Variants in SLC8A3 observed in about 807,000 individuals in gnomAD.
SLC8A3 encodes the protein solute carrier family 8 member A3.
Under a neutral mutation model 65.4 loss-of-function variants are expected in SLC8A3, and 37 were observed. The observed-to-expected ratio is 0.57, with a 90% CI of 0.44 to 0.74. The LOEUF (loss-of-function observed/expected upper bound fraction) is 0.74, where lower values mean the gene tolerates loss of function less well. SLC8A3 is among the 30% of genes least tolerant of loss of function. SLC8A3 has a pLI of 0.00. For synonymous variants in SLC8A3, 461 were observed against 444.5 expected (o/e 1.04, Z -0.47); for missense variants, 1,112 against 1,172.1 (o/e 0.95, Z 0.75).
intron 2 of SLC8A3, among the ~76,000 whole-genome samples, chr14:70,076,235 A>G (rs1393823121): frequency 1.3e-5 from 2 of 152,110 alleles, no homozygotes; most frequent in African/African-American, 4.8e-5. Flanking sequence ...CTTAGCTTAC[A>G]TGCCACCACC....
intron 3 of SLC8A3, among the ~76,000 whole-genome samples, chr14:70,057,040 G>C (rs1012248156): frequency 3.3e-5 from 5 of 152,118 alleles, no homozygotes; most frequent in Admixed American, 6.5e-5. Flanking sequence ...GAAGGAGTGT[G>C]TGTTGTGGGG....
Position 70,053,012 on chromosome 14 carries a change from A to G in SLC8A3, c.1889-898T>C, listed in dbSNP as rs191717029. On this transcript the variant is annotated intron_variant, in intron 3 of 6. Transcript: ENST00000356921. ...AGGAAAGAAATTCACTGAAAAGACT[A>G]TAAGCCAAGGGTTTAAATTACCAAG... is the stretch of plus-strand genomic sequence containing the variant. 1.1e-4 allele frequency among the ~76,000 whole-genome samples: 16 copies of G among 152,342 alleles called. No homozygotes were observed. In the East Asian group the frequency reaches 2.1e-3, roughly 20 times the overall value.
chr14:70,078,190 A>G (rs1890714041), intron 2 of SLC8A3, among the ~76,000 whole-genome samples: 1 of 152,234 alleles, frequency 6.6e-6, no homozygotes, highest in African/African-American at 2.4e-5. Context: ...CTGGGGTGAT[A>G]AAAGAAAGCA....
intron 2 of SLC8A3, among the ~76,000 whole-genome samples, chr14:70,093,936 G>C (rs777224628): frequency 2.2e-4 from 33 of 152,146 alleles, no homozygotes; most frequent in Non-Finnish European, 4.6e-4. Flanking sequence ...TCCCTCCCAG[G>C]CTCCCACTAG....
In SLC8A3 at chr14:70,091,904, T is replaced by C. The variant is rs549465021; in HGVS notation, c.1785-30965A>G. 3.3e-5 allele frequency among the ~76,000 whole-genome samples: 5 copies of C among 152,334 alleles called. No individual in the cohort carries two copies. In the South Asian group the frequency reaches 1.0e-3, roughly 32 times the overall value. The stretch of plus-strand genomic sequence containing the variant: ...AAAGCTCATTAGTTACTGAGACAAT[T>C]TGAGATTTTCTCTCCCTTCCCCCAA... On this transcript the variant is annotated intron_variant, in intron 2 of 6. Transcript: ENST00000356921.
chr14:70,095,869 A>T (rs1161949136), intron 2 of SLC8A3, among the ~76,000 whole-genome samples: 2 of 151,654 alleles, frequency 1.3e-5, no homozygotes, highest in African/African-American at 4.8e-5. Context: ...AGTTCTACAC[A>T]TACCCATATA....
At chr14:70,146,117 A>C (rs1895911672) in intron 2 of SLC8A3, among the ~76,000 whole-genome samples, 1 of 152,174 alleles carries the variant, frequency 6.6e-6, no homozygotes, top group Non-Finnish European at 1.5e-5. Context: ...AGGCAGGGGA[A>C]ATGAAGGAAA....
At chr14:70,114,549 T>G (rs1893530931) in intron 2 of SLC8A3, among the ~76,000 whole-genome samples, 1 of 152,208 alleles carries the variant, frequency 6.6e-6, no homozygotes, top group African/African-American at 2.4e-5. Flanking sequence ...ATGCAATGGC[T>G]GAAATTGTTG....
intron 2 of SLC8A3, among the ~76,000 whole-genome samples, chr14:70,061,657 T>C (rs1410025339): frequency 6.6e-6 from 1 of 152,076 alleles, no homozygotes; most frequent in Non-Finnish European, 1.5e-5. Context: ...GGAACTAAAA[T>C]AAATATGTAT....
chr14:70,111,390 A>G (rs1276166345), intron 2 of SLC8A3, among the ~76,000 whole-genome samples: 1 of 152,220 alleles, frequency 6.6e-6, no homozygotes, highest in Non-Finnish European at 1.5e-5. Context: ...ATAAATTTGT[A>G]TTTTAAAATG....
intron 1 of SLC8A3, among the ~76,000 whole-genome samples, chr14:70,180,610 T>G (rs1057486463): frequency 6.6e-6 from 1 of 152,280 alleles, no homozygotes; most frequent in South Asian, 2.1e-4. Flanking sequence ...GTGGTATGTT[T>G]GGGGTAGGTG....
At chr14:70,114,631 C>G (rs1320158640) in intron 2 of SLC8A3, among the ~76,000 whole-genome samples, 1 of 152,180 alleles carries the variant, frequency 6.6e-6, no homozygotes, top group Admixed American at 6.5e-5. Flanking sequence ...TCTGGCAATT[C>G]CATTAAAAAT....
chr14:70,175,738 T>C (rs1244415771), intron 1 of SLC8A3, among the ~76,000 whole-genome samples: 1 of 77,674 alleles, frequency 1.3e-5, no homozygotes, highest in Admixed American at 1.1e-4. Context: ...TTTTTTTTTC[T>C]TTTTTTTTTT....
At chr14:70,106,189 T>C (rs1892858905) in intron 2 of SLC8A3, among the ~76,000 whole-genome samples, 1 of 152,142 alleles carries the variant, frequency 6.6e-6, no homozygotes, top group Non-Finnish European at 1.5e-5. Context: ...AGAATGTCCA[T>C]TCTTACCACT....
chr14:70,158,720 A>G (rs896742328), intron 2 of SLC8A3, among the ~76,000 whole-genome samples: 1 of 152,152 alleles, frequency 6.6e-6, no homozygotes, highest in African/African-American at 2.4e-5. Flanking sequence ...ATATATATAC[A>G]CATATCCAGT....
At chr14:70,133,460 T>A (rs1331254100) in intron 2 of SLC8A3, among the ~76,000 whole-genome samples, 6 of 152,162 alleles carry the variant, frequency 3.9e-5, no homozygotes, top group African/African-American at 1.4e-4. Context: ...AATGCCCTAA[T>A]ATACTCTTGG....
intron 2 of SLC8A3, among the ~76,000 whole-genome samples, chr14:70,136,922 C>A (rs1471298224): frequency 6.6e-6 from 1 of 152,192 alleles, no homozygotes; most frequent in Non-Finnish European, 1.5e-5. Flanking sequence ...AGAAGAAATG[C>A]ATGCTACTTT....
In SLC8A3 at chr14:70,045,387, C is replaced by G. The variant is rs1217298060; in HGVS notation, c.*560G>C. On this transcript the variant is annotated 3_prime_UTR_variant, in exon 7 of 7. Coordinates refer to ENST00000356921, the MANE Select transcript of SLC8A3 (RefSeq NM_182932.3). The stretch of plus-strand genomic sequence containing the variant: ...CGGACCTGGAATTCCTTTGTGGCAC[C>G]TTTTTCACTCACTTCAGAAAAAAAA... The G allele has an allele frequency of 6.6e-6, 1 of 152,016 alleles. No homozygotes were observed. The highest frequency in any genetic ancestry group is 2.4e-5 in the African/African-American group (1 of 41,360). The allele number at this position is 152,016 out of a possible 1,614,324, so 9.4% of individuals were successfully genotyped here.
At chr14:70,137,636 C>T (rs762794053) in intron 2 of SLC8A3, among the ~76,000 whole-genome samples, 34 of 152,136 alleles carry the variant, frequency 2.2e-4, no homozygotes, top group Admixed American at 1.6e-3. Context: ...GAGAACACAA[C>T]GATGCTTATT....
Sources: allele counts gnomAD v4.1 joint callset (sites outside exome capture counted in the v4.1 genomes callset), GRCh38; gene constraint gnomAD v4.1.1; transcripts MANE v1.5; gene names NCBI Gene and HGNC (gene_info 2026-07-23, HGNC 2026-07-21).